USP10: variants seen among roughly 807,000 people sequenced by gnomAD.
The protein encoded by USP10 is ubiquitin specific peptidase 10, also known as ubiquitin carboxyl-terminal hydrolase 10.
USP10 carries 22 observed loss-of-function variants against 84.5 expected under a neutral mutation model. The ratio of observed to expected loss-of-function variants is 0.26; its 90% confidence interval spans 0.19 to 0.37. USP10 has a LOEUF of 0.37. Ranked by LOEUF, USP10 falls within the 10% of genes least tolerant of loss-of-function variation. The pLI is 1.00. For missense variants in USP10, 1,019 were observed against 998.9 expected (o/e 1.02, Z -0.27); for synonymous variants, 454 against 387.6 (o/e 1.17, Z -2.01).
intron 3 of USP10, among the ~76,000 whole-genome samples, chr16:84,742,044 C>A (rs1043019836): frequency 6.6e-6 from 1 of 152,188 alleles, no homozygotes; most frequent in African/African-American, 2.4e-5. Flanking sequence ...CCTTTTAGAT[C>A]TCGGCCTTTT....
At chr16:84,737,149 C>G (rs763327058) in intron 2 of USP10, among the ~76,000 whole-genome samples, 1 of 152,134 alleles carries the variant, frequency 6.6e-6, no homozygotes, top group African/African-American at 2.4e-5. Context: ...GTCTTTGAGA[C>G]GGAAAGCAGA....
rs979317100 is a variant in USP10 at position 84,772,522 on chromosome 16, G to T, written c.1999-19G>T. On this transcript the variant is annotated intron_variant, in intron 11 of 13. Transcript: ENST00000219473. ...AAGTAAGACAGGGACGGTGTGTCCT[G>T]GTGTGCTTTGTGTCTTAGGTTGAGA... 32 of 1,613,290 alleles carry T rather than the reference G, an allele frequency of 2.0e-5. No homozygotes were observed. The highest frequency in any genetic ancestry group is 2.6e-5 in the Non-Finnish European group (31 of 1,179,712).
chr16:84,748,028 C>G (rs1911447498), intron 4 of USP10, among the ~76,000 whole-genome samples: 1 of 151,258 alleles, frequency 6.6e-6, no homozygotes, highest in African/African-American at 2.4e-5. Flanking sequence ...GTGGCGGGCG[C>G]CTGTAGTCCC....
chr16:84,747,232 C>A (rs1243184474), intron 4 of USP10, among the ~76,000 whole-genome samples: 1 of 152,166 alleles, frequency 6.6e-6, no homozygotes, highest in Admixed American at 6.5e-5. Context: ...TTAAAATAAG[C>A]TGTTTGGTTT....
chr16:84,725,053 G>C (rs1908277688), intron 1 of USP10, among the ~76,000 whole-genome samples: 1 of 152,140 alleles, frequency 6.6e-6, no homozygotes, highest in Admixed American at 6.5e-5. Flanking sequence ...ACATGCTGTG[G>C]AGTTTGTGTA....
At chr16:84,713,520 C>T (rs1010179909) in intron 1 of USP10, among the ~76,000 whole-genome samples, 2 of 152,148 alleles carry the variant, frequency 1.3e-5, no homozygotes, top group Non-Finnish European at 1.5e-5. Context: ...ATGTAAGCTC[C>T]TTGAGGCCCC....
chr16:84,731,895 G>C (rs1909287344), intron 1 of USP10, among the ~76,000 whole-genome samples: 1 of 151,958 alleles, frequency 6.6e-6, no homozygotes, highest in African/African-American at 2.4e-5. Context: ...CCCAGTGTTG[G>C]TGATGAGAAG....
At chr16:84,776,067 T>C (rs575128135) in intron 13 of USP10, among the ~76,000 whole-genome samples, 9 of 152,336 alleles carry the variant, frequency 5.9e-5, no homozygotes, top group African/African-American at 1.7e-4. Context: ...CCTTCACACA[T>C]GTATTGAACC....
At chr16:84,750,902 T>C (rs1457719325) in intron 4 of USP10, among the ~76,000 whole-genome samples, 2 of 152,212 alleles carry the variant, frequency 1.3e-5, no homozygotes, top group African/African-American at 2.4e-5. Flanking sequence ...AAAACCTGTT[T>C]ATATGATTTT....
Position 84,744,790 on chromosome 16 carries a change from T to A in USP10, c.309T>A (p.Gly103=), listed in dbSNP as rs1219987938. The A allele has an allele frequency of 1.2e-6, 2 of 1,613,710 alleles. No individual in the cohort carries two copies. The highest frequency in any genetic ancestry group is 3.3e-5 in the Admixed American group (2 of 60,002). The change falls in exon 4 of 14, where the codon GGT becomes GGA. Residue 103 remains glycine, a synonymous_variant. Coordinates refer to ENST00000219473, the MANE Select transcript of USP10 (RefSeq NM_005153.3). ...GCTASKITPD[G]ITKEASYGSI... ...CAGCTTCCAAAATAACCCCTGATGG[T>A]ATCACTAAAGAAGCAAGCTATGGCT...
intron 1 of USP10, among the ~76,000 whole-genome samples, chr16:84,701,799 G>T (rs1904891335): frequency 6.6e-6 from 1 of 152,126 alleles, no homozygotes; most frequent in Admixed American, 6.5e-5. Context: ...TAGAAAATTG[G>T]AGTAGCAAAA....
intron 1 of USP10, among the ~76,000 whole-genome samples, chr16:84,718,713 G>A (rs939473978): frequency 4.0e-5 from 6 of 150,848 alleles, no homozygotes; most frequent in Non-Finnish European, 5.9e-5. Flanking sequence ...CTGAGATTGC[G>A]CCACTGCACT....
intron 12 of USP10, 63 bp downstream of exon 12, chr16:84,772,748 C>T: frequency 1.3e-6 from 2 of 1,583,382 alleles, no homozygotes; most frequent in Non-Finnish European, 1.7e-6. Flanking sequence ...AGAAGCTCAA[C>T]CCTGTAGCAT....
intron 4 of USP10, among the ~76,000 whole-genome samples, chr16:84,748,947 G>C (rs566225590): frequency 6.6e-6 from 1 of 152,104 alleles, no homozygotes; most frequent in African/African-American, 2.4e-5. Context: ...ATCCTATTTG[G>C]TTAGGTCAGT....
At chr16:84,728,528 C>T (rs919709061) in intron 1 of USP10, among the ~76,000 whole-genome samples, 2 of 151,932 alleles carry the variant, frequency 1.3e-5, no homozygotes, top group East Asian at 1.9e-4. Flanking sequence ...TTAATAGAGA[C>T]GGGGTTTAGC....
intron 4 of USP10, among the ~76,000 whole-genome samples, chr16:84,751,684 A>G (rs949701427): frequency 4.6e-5 from 7 of 152,200 alleles, no homozygotes; most frequent in Non-Finnish European, 1.0e-4. Context: ...TTCCAAATTG[A>G]TGGTAATGAG....
chr16:84,744,919 A>G lies in USP10; in HGVS notation c.438A>G (p.Gln146=), dbSNP rs766875820. The change falls in exon 4 of 14, where the codon CAA becomes CAG. Residue 146 remains glutamine, a synonymous_variant. Transcript: ENST00000219473. ...ENDGVSGGLG[Q]RERKKKKKRP... is the part of the protein sequence containing the mutation. ...ATGGTGTCTCAGGTGGTCTTGGACAAAGGGAGCGTAAAAAGAAGAAAAAGC... is the reference window on the plus strand; with the variant it reads ...ATGGTGTCTCAGGTGGTCTTGGACAGAGGGAGCGTAAAAAGAAGAAAAAGC... 3.1e-6 allele frequency: 5 copies of G among 1,613,782 alleles called. 1 individual carries two copies. In the South Asian group the frequency reaches 5.5e-5, roughly 18 times the overall value.
intron 2 of USP10, among the ~76,000 whole-genome samples, chr16:84,737,855 G>A (rs1910130488): frequency 6.6e-5 from 10 of 152,208 alleles, no homozygotes; most frequent in Admixed American, 6.5e-4. Flanking sequence ...GTGCCACCTG[G>A]TGTCACTGGT....
intron 1 of USP10, among the ~76,000 whole-genome samples, chr16:84,706,199 AAG>A (rs1905481698): frequency 6.6e-6 from 1 of 151,952 alleles, no homozygotes; most frequent in South Asian, 2.1e-4. Flanking sequence ...TTCATTCTGC[AAG>A]TATCAGTCTT....
Sources: allele counts gnomAD v4.1 joint callset (sites outside exome capture counted in the v4.1 genomes callset), GRCh38; gene constraint gnomAD v4.1.1; transcripts MANE v1.5; gene names NCBI Gene and HGNC (gene_info 2026-07-23, HGNC 2026-07-21).